ATF7IP: variants seen among roughly 807,000 people sequenced by gnomAD.
ATF7IP encodes the protein activating transcription factor 7-interacting protein 1.
In ATF7IP, 23 loss-of-function variants were observed where a neutral mutation model predicts 106.4. The ratio of observed to expected loss-of-function variants is 0.22; its 90% CI spans 0.16 to 0.31. The LOEUF is 0.31. Among genes scored for constraint, ATF7IP ranks in the 10% least tolerant of loss-of-function variants. The probability of loss-of-function intolerance (pLI) is 1.00; values close to 1 mark genes in which losing one functional copy is unlikely to be tolerated. For missense variants in ATF7IP, 1,334 were observed against 1,524.3 expected (o/e 0.88, Z 2.08); for synonymous variants, 542 against 539.0 (o/e 1.01, Z -0.08).
intron 13 of ATF7IP, among the ~76,000 whole-genome samples, chr12:14,491,743 G>A (rs1944832651): frequency 6.6e-6 from 1 of 152,226 alleles, no homozygotes; most frequent in Non-Finnish European, 1.5e-5. Context: ...TCAAGTCAAT[G>A]GCTGCACACC....
chr12:14,466,553 C>A lies in ATF7IP; in HGVS notation c.2825C>A (p.Ala942Asp), dbSNP rs1943840102. The A allele has an allele frequency of 6.2e-7, 1 of 1,603,310 alleles. No individual in the cohort carries two copies. Among genetic ancestry groups the A allele is most frequent in the Non-Finnish European group, 8.5e-7 (1 of 1,176,604 alleles). Residue 942 changes from alanine (A) to aspartate (D), a missense_variant, in exon 10 of 15, where the codon GCT becomes GAT. Physicochemically the swap from Ala to Asp is moderately radical, Grantham distance 126. Transcript: ENST00000261168. ...IENQTNKTIDASVSKKAADST... is the reference protein window; with the variant it reads ...IENQTNKTIDDSVSKKAADST... ...AACCAGACAAACAAAACAATAGATG[C>A]TTCTGTCAGTAAGAAAGCAGCTGAT...
intron 10 of ATF7IP, among the ~76,000 whole-genome samples, chr12:14,469,383 A>AAAC (rs1565539557): frequency 7.3e-6 from 1 of 136,402 alleles, no homozygotes; most frequent in Non-Finnish European, 1.5e-5. Flanking sequence ...AAAAAAAAAA[A>AAAC]CTTGGACATC....
chr12:14,407,479 C>T (rs1018458163), intron 1 of ATF7IP, among the ~76,000 whole-genome samples: 4 of 151,452 alleles, frequency 2.6e-5, no homozygotes, highest in African/African-American at 7.3e-5. Flanking sequence ...TTAGACTATA[C>T]ATTGTTTGAC....
chr12:14,472,004 A>G (rs549933632), intron 10 of ATF7IP, among the ~76,000 whole-genome samples: 5 of 152,354 alleles, frequency 3.3e-5, no homozygotes, highest in African/African-American at 9.6e-5. Flanking sequence ...TTTAAAACCA[A>G]TATTCCATGT....
chr12:14,380,999 G>A (rs1014235033), intron 1 of ATF7IP, among the ~76,000 whole-genome samples: 2 of 152,200 alleles, frequency 1.3e-5, no homozygotes, highest in African/African-American at 4.8e-5. Context: ...ACTGTTAAAT[G>A]TGTTTGGTAA....
At position 14,373,121 on chromosome 12, in the gene ATF7IP, A is replaced by G. The variant is rs368391047; in HGVS notation, c.-8+7294A>G. 3.3e-5 allele frequency among the ~76,000 whole-genome samples: 5 copies of G among 152,190 alleles called. No homozygotes were observed. The South Asian group carries it at 6.2e-4, about 19-fold the overall frequency. On this transcript the variant is annotated intron_variant, in intron 1 of 14. Coordinates refer to ENST00000261168, the MANE Select transcript of ATF7IP (RefSeq NM_018179.5). ...GCTAAGGCTTTGGAGCCTTAGATGT[A>G]TATCTGCCCTGTTACTCTTATTAGA...
chr12:14,383,330 TATC>T (rs1483609645), intron 1 of ATF7IP, among the ~76,000 whole-genome samples: 3 of 152,166 alleles, frequency 2.0e-5, no homozygotes, highest in Non-Finnish European at 4.4e-5. Context: ...TTGAAGAAGA[TATC>T]ATCCATTTGA....
intron 1 of ATF7IP, among the ~76,000 whole-genome samples, chr12:14,405,023 A>G (rs965745268): frequency 6.6e-6 from 1 of 152,196 alleles, no homozygotes; most frequent in Non-Finnish European, 1.5e-5. Context: ...CCATCCTATG[A>G]AACTAAGTCG....
intron 1 of ATF7IP, among the ~76,000 whole-genome samples, chr12:14,395,515 C>T (rs1939789243): frequency 6.6e-6 from 1 of 152,108 alleles, no homozygotes; most frequent in Non-Finnish European, 1.5e-5. Context: ...GAATATTACT[C>T]ATGCATACAA....
chr12:14,412,244 A>G (rs1389267763), intron 1 of ATF7IP, among the ~76,000 whole-genome samples: 2 of 152,110 alleles, frequency 1.3e-5, no homozygotes, highest in Non-Finnish European at 2.9e-5. Context: ...TTCTTCTTCA[A>G]GATTGTTTTG....
chr12:14,389,590 T>C (rs1168882966), intron 1 of ATF7IP, among the ~76,000 whole-genome samples: 13 of 152,198 alleles, frequency 8.5e-5, no homozygotes, highest in Admixed American at 7.2e-4. Flanking sequence ...TTACTTTTAT[T>C]CTTTAGTCAC....
In ATF7IP at chr12:14,497,829, G is replaced by C; in HGVS notation, c.3569G>C (p.Cys1190Ser). 8 of 1,614,124 alleles carry C rather than the reference G, an allele frequency of 5.0e-6. No individual in the cohort carries two copies. The highest frequency in any genetic ancestry group is 6.8e-6 in the Non-Finnish European group (8 of 1,180,004). ...AGTGTCCTGGAGGTGGATCGAAGCT[G>C]TGCCACTGTTGATAGCTACCATCTC... ...SWSVLEVDRS[C>S]ATVDSYHLYA... The change falls in exon 15 of 15, where the codon TGT (cysteine) becomes TCT (serine). Residue 1190 changes from cysteine (C) to serine (S), a missense_variant. Transcript: ENST00000261168.
intron 1 of ATF7IP, among the ~76,000 whole-genome samples, chr12:14,375,476 T>C (rs1020593862): frequency 2.6e-5 from 4 of 152,112 alleles, no homozygotes; most frequent in Non-Finnish European, 5.9e-5. Context: ...TATTTTAGGT[T>C]TGTATAATCC....
chr12:14,425,791 A>G (rs1033913090), intron 2 of ATF7IP, among the ~76,000 whole-genome samples: 1 of 152,228 alleles, frequency 6.6e-6, no homozygotes, highest in African/African-American at 2.4e-5. Context: ...GAGTTGTAGC[A>G]GTTCTTTCTT....
chr12:14,391,371 C>A (rs1302568171), intron 1 of ATF7IP, among the ~76,000 whole-genome samples: 1 of 152,154 alleles, frequency 6.6e-6, no homozygotes. Flanking sequence ...AGCCAACTGC[C>A]AGTAGAACTA....
intron 7 of ATF7IP, 104 bp downstream of exon 7, chr12:14,456,738 T>A: frequency 2.4e-6 from 2 of 817,982 alleles, no homozygotes; most frequent in Non-Finnish European, 3.9e-6. Flanking sequence ...TATGTAGAAA[T>A]AAGTGTTTGG....
chr12:14,490,343 C>T (rs763332318), intron 13 of ATF7IP, among the ~76,000 whole-genome samples: 2 of 152,176 alleles, frequency 1.3e-5, no homozygotes, highest in Non-Finnish European at 2.9e-5. Flanking sequence ...TAAAGAGGTC[C>T]ATGCCCAGAG....
At chr12:14,389,476 G>A (rs983596016) in intron 1 of ATF7IP, among the ~76,000 whole-genome samples, 2 of 152,056 alleles carry the variant, frequency 1.3e-5, no homozygotes, top group Non-Finnish European at 2.9e-5. Context: ...TTGAATTCAC[G>A]GCCTAGAGTT....
At chr12:14,395,227 T>C (rs1939770077) in intron 1 of ATF7IP, 1 of 152,152 alleles carries the variant, frequency 6.6e-6, no homozygotes, top group African/African-American at 2.4e-5. Context: ...GAGGAAGTCC[T>C]TTTCACAGTG....
Sources: allele counts gnomAD v4.1 joint callset (sites outside exome capture counted in the v4.1 genomes callset), GRCh38; gene constraint gnomAD v4.1.1; transcripts MANE v1.5; gene names NCBI Gene and HGNC (gene_info 2026-07-23, HGNC 2026-07-21).